CCDC102B: variants seen among roughly 807,000 people sequenced by gnomAD.
CCDC102B encodes the protein coiled-coil domain containing 102B, also known as coiled-coil domain-containing protein 102B.
In CCDC102B, 75 loss-of-function variants were observed where a neutral mutation model predicts 57.4. The ratio of observed to expected loss-of-function variants is 1.31; its 90% CI spans 1.08 to 1.58. The LOEUF (loss-of-function observed/expected upper bound fraction) is 1.58. Ranked by LOEUF, CCDC102B falls within the 40% of genes most tolerant of loss-of-function variation. CCDC102B has a pLI of 0.00. For missense variants in CCDC102B, 636 were observed against 582.6 expected, an observed-to-expected ratio of 1.09 and a Z score of -0.94; for synonymous variants, 206 against 201.9, an observed-to-expected ratio of 1.02 and a Z score of -0.17.
chr18:68,957,573 T>TTC (rs61540847), intron 6 of CCDC102B, among the ~76,000 whole-genome samples: 2 of 150,586 alleles, frequency 1.3e-5, no homozygotes, highest in African/African-American at 2.4e-5. Flanking sequence ...TTTTTTTTTT[T>TTC]CTCTGAATGG....
chr18:68,939,944 A>C (rs1289302236), intron 6 of CCDC102B, among the ~76,000 whole-genome samples: 2 of 151,800 alleles, frequency 1.3e-5, no homozygotes, highest in Non-Finnish European at 3.0e-5. Flanking sequence ...TTTGCCTGCT[A>C]CAAAATACAT....
At chr18:68,824,666 C>A (rs550930864) in intron 1 of CCDC102B, among the ~76,000 whole-genome samples, 51 of 152,060 alleles carry the variant, frequency 3.4e-4, no homozygotes, top group African/African-American at 1.2e-3. Flanking sequence ...AAAATATAGA[C>A]AGAAAAATAA....
chr18:69,057,540 T>C (rs973466490), downstream of CCDC102B, among the ~76,000 whole-genome samples: 1 of 152,026 alleles, frequency 6.6e-6, no homozygotes, highest in South Asian at 2.1e-4. Flanking sequence ...ATGTGGATAT[T>C]GGCTTTCAGG....
Position 68,846,429 on chromosome 18 carries a change from G to T in CCDC102B, c.936+8G>T. 2 of 1,485,540 alleles carry T rather than the reference G, an allele frequency of 1.3e-6. No homozygotes were observed. The highest frequency in any genetic ancestry group is 9.2e-7 in the Non-Finnish European group (1 of 1,090,274). The allele number at this position is 1,485,540 out of a possible 1,614,324, so 92.0% of individuals were successfully genotyped here. ...CCAAAAAATGTGAAAGAGGTATGGG[G>T]GAATATGATGTAAAGGAAGAAATGA... On this transcript the variant is annotated splice_region_variant and intron_variant, in intron 4 of 7. Transcript: ENST00000360242.
chr18:68,934,503 A>T (rs1056514386), intron 6 of CCDC102B, among the ~76,000 whole-genome samples: 3 of 152,048 alleles, frequency 2.0e-5, no homozygotes, highest in Non-Finnish European at 2.9e-5. Flanking sequence ...GAGGAAGCTC[A>T]ATGTTTTTTA....
intron 6 of CCDC102B, among the ~76,000 whole-genome samples, chr18:68,976,069 A>G (rs964596380): frequency 1.3e-5 from 2 of 152,018 alleles, no homozygotes; most frequent in African/African-American, 2.4e-5. Flanking sequence ...CAGTTAAATA[A>G]TATTTTTTTC....
At chr18:68,845,659 C>T (rs1437465550) in intron 3 of CCDC102B, among the ~76,000 whole-genome samples, 4 of 151,760 alleles carry the variant, frequency 2.6e-5, no homozygotes, top group South Asian at 2.1e-4. Context: ...ATGACTCAGA[C>T]ATTGTGGGCA....
At chr18:68,730,546 G>T (rs1419305856) in intron 2 of CCDC102B, among the ~76,000 whole-genome samples, 1 of 152,084 alleles carries the variant, frequency 6.6e-6, no homozygotes, top group Non-Finnish European at 1.5e-5. Flanking sequence ...ACTTCTGTCT[G>T]CTGATAGATA....
In CCDC102B at chr18:68,932,260, G is replaced by T. The variant is rs375796568; in HGVS notation, c.1263+34832G>T. 6.9e-3 allele frequency among the ~76,000 whole-genome samples: 1,045 copies of T among 151,054 alleles called. 4 individuals are homozygous for T. The highest frequency in any genetic ancestry group is 0.012 in the South Asian group (58 of 4,774). Reference sequence around the variant, plus strand: ...CTTCCTTTTTTACTCCACTATTTCGGCATTAAATATAAATAACTGTATTAT... The same window carrying T: ...CTTCCTTTTTTACTCCACTATTTCGTCATTAAATATAAATAACTGTATTAT... On this transcript the variant is annotated intron_variant, in intron 6 of 7. Coordinates refer to ENST00000360242, the MANE Select transcript of CCDC102B (RefSeq NM_024781.3).
chr18:69,044,519 T>C (rs1030842269), intron 7 of CCDC102B, among the ~76,000 whole-genome samples: 1 of 152,174 alleles, frequency 6.6e-6, no homozygotes, highest in African/African-American at 2.4e-5. Flanking sequence ...ATATTTGAAA[T>C]GAATAACTCT....
intron 7 of CCDC102B, among the ~76,000 whole-genome samples, chr18:69,035,572 T>G (rs1433228480): frequency 6.6e-6 from 1 of 152,096 alleles, no homozygotes; most frequent in African/African-American, 2.4e-5. Flanking sequence ...TGTAGAATCA[T>G]GTAACAAATG....
At position 68,715,260 on chromosome 18, in the gene CCDC102B, G is replaced by A. The variant is rs78924743; in HGVS notation, c.-235G>A. ...GGTGCCCCCCTCCACGCCCAGGAGC[G>A]TGGGAACCCTGCTTAAGGGCTTTAC... On this transcript the variant is annotated 5_prime_UTR_variant, in exon 1 of 4. Coordinates refer to the CCDC102B transcript ENST00000578970. 3.2e-3 allele frequency: 4,216 copies of A among 1,328,876 alleles called. 102 individuals are homozygous for A. The African/African-American group carries it at 0.058, about 18-fold the overall frequency. 82.3% of individuals were successfully genotyped at this position (1,328,876 alleles called of 1,614,324 possible).
At chr18:68,982,372 T>A (rs1340581433) in intron 6 of CCDC102B, among the ~76,000 whole-genome samples, 1 of 152,016 alleles carries the variant, frequency 6.6e-6, no homozygotes, top group Non-Finnish European at 1.5e-5. Context: ...CACTCTACCC[T>A]TAACTATCCT....
intron 6 of CCDC102B, among the ~76,000 whole-genome samples, chr18:68,925,550 A>AT (rs2041448963): frequency 2.0e-5 from 3 of 151,980 alleles, no homozygotes; most frequent in Admixed American, 2.0e-4. Context: ...TATTTATGAC[A>AT]TTTTGGCCAC....
chr18:68,857,319 T>TA (rs1568293179), intron 4 of CCDC102B, among the ~76,000 whole-genome samples: 4 of 3,768 alleles, frequency 1.1e-3, no homozygotes, highest in Non-Finnish European at 2.6e-3. Context: ...TATTTATATA[T>TA]TATATATATA....
At chr18:68,986,134 TG>T (rs1238130672) in intron 6 of CCDC102B, among the ~76,000 whole-genome samples, 5 of 152,098 alleles carry the variant, frequency 3.3e-5, no homozygotes, top group African/African-American at 7.2e-5. Flanking sequence ...TCAAGAAGGA[TG>T]GGCTCCTTTC....
At chr18:68,928,274 A>G (rs770434591) in intron 6 of CCDC102B, among the ~76,000 whole-genome samples, 25 of 151,950 alleles carry the variant, frequency 1.6e-4, no homozygotes, top group Admixed American at 3.9e-4. Context: ...CATGGATTTC[A>G]GAATCCTAGA....
At chr18:68,915,278 A>G (rs78142094) in intron 6 of CCDC102B, among the ~76,000 whole-genome samples, 2,486 of 152,356 alleles carry the variant, frequency 0.016, 33 homozygotes, top group South Asian at 0.048. Context: ...AAGGTGAGGC[A>G]GGTGTGAGGA....
rs147355929 is a variant in CCDC102B at position 68,719,039 on chromosome 18, A to C, written c.-67+2445A>C. 2.7e-3 allele frequency among the ~76,000 whole-genome samples: 418 copies of C among 152,342 alleles called. 3 individuals carry two copies. The highest frequency in any genetic ancestry group is 9.8e-3 in the African/African-American group (407 of 41,562). On this transcript the variant is annotated intron_variant, in intron 2 of 3. Transcript: ENST00000578970. ...GGCAGCAAAACTTAAAGAGATACAGAACAACTTTATGAAAATACATAAGAA... is the reference window on the plus strand; with the variant it reads ...GGCAGCAAAACTTAAAGAGATACAGCACAACTTTATGAAAATACATAAGAA...
Sources: allele counts gnomAD v4.1 joint callset (sites outside exome capture counted in the v4.1 genomes callset), GRCh38; gene constraint gnomAD v4.1.1; transcripts MANE v1.5; gene names NCBI Gene and HGNC (gene_info 2026-07-23, HGNC 2026-07-21).